The following BTRC variants were observed in gnomAD, a reference collection of about 807,000 sequenced individuals.
BTRC encodes the protein F-box/WD repeat-containing protein 1A.
A neutral mutation model predicts 85.5 loss-of-function variants in BTRC; 42 were observed. That is an observed-to-expected ratio of 0.49 (90% CI 0.38 to 0.64). The LOEUF is 0.64. Among genes scored for constraint, BTRC ranks in the 30% least tolerant of loss-of-function variants. BTRC has a pLI of 0.00. For missense variants in BTRC, 594 were observed against 743.5 expected, an observed-to-expected ratio of 0.80 and a Z score of 2.34; for synonymous variants, 255 against 263.3, an observed-to-expected ratio of 0.97 and a Z score of 0.30.
chr10:101,496,662 T>C (rs1946270014), intron 4 of BTRC, among the ~76,000 whole-genome samples: 1 of 152,204 alleles, frequency 6.6e-6, no homozygotes, highest in Non-Finnish European at 1.5e-5. Flanking sequence ...TTCACATTGT[T>C]GTCACATTGT....
Position 101,550,897 on chromosome 10 carries a change from G to C in BTRC, c.*31+6G>C, listed in dbSNP as rs780632847. ...CTGACCTCATACTTGCCCAGGTATC[G>C]AAATCGATTATGTACATAACACTGT... is the stretch of plus-strand genomic sequence containing the variant. On this transcript the variant is annotated splice_donor_region_variant and intron_variant, in intron 14 of 14. Coordinates refer to ENST00000370187, the MANE Select transcript of BTRC (RefSeq NM_033637.4). 5.7e-6 allele frequency: 9 copies of C among 1,590,654 alleles called. No individual in the cohort carries two copies. Among genetic ancestry groups the C allele is most frequent in the Non-Finnish European group, 7.7e-6 (9 of 1,161,320 alleles).
At chr10:101,404,030 A>ATATATATATTTTT (rs1232082481) in intron 1 of BTRC, among the ~76,000 whole-genome samples, 1 of 25,424 alleles carries the variant, frequency 3.9e-5, no homozygotes, top group Non-Finnish European at 6.0e-5. Flanking sequence ...ATATATATAT[A>ATATATATATTTTT]TTTTTTTTTT....
intron 1 of BTRC, among the ~76,000 whole-genome samples, chr10:101,354,912 C>A (rs945226316): frequency 6.6e-6 from 1 of 152,030 alleles, no homozygotes; most frequent in African/African-American, 2.4e-5. Context: ...TAATGACAGT[C>A]CCTGGGAGGG....
At chr10:101,532,777 TGTGTGTGTGTGTGCGCGTGTGCGC>T (rs1006622596) in intron 8 of BTRC, among the ~76,000 whole-genome samples, 151 bp from the exon 9 acceptor site, 8 of 70,218 alleles carry the variant, frequency 1.1e-4, no homozygotes, top group Middle Eastern at 5.2e-3. Flanking sequence ...TGTGTGTGTG[TGTGTGTGTGTGTGCGCGTGTGCGC>T]GCGCGCGCGC....
At chr10:101,462,830 A>G (rs1268636622) in intron 3 of BTRC, among the ~76,000 whole-genome samples, 1 of 152,118 alleles carries the variant, frequency 6.6e-6, no homozygotes, top group African/African-American at 2.4e-5. Context: ...TTGCCAGAGA[A>G]TAAGTGTGCC....
chr10:101,544,882 C>A (rs1053025961), intron 13 of BTRC, among the ~76,000 whole-genome samples: 1 of 151,874 alleles, frequency 6.6e-6, no homozygotes, highest in Non-Finnish European at 1.5e-5. Flanking sequence ...CATGGCAACC[C>A]CTTCTCTTCA....
chr10:101,418,403 T>G (rs375045026), intron 1 of BTRC, among the ~76,000 whole-genome samples: 23 of 151,934 alleles, frequency 1.5e-4, no homozygotes, highest in South Asian at 6.2e-4. Flanking sequence ...TATATTTTTT[T>G]GGGGGGGTGA....
chr10:101,423,736 A>G (rs1157942535), intron 1 of BTRC, among the ~76,000 whole-genome samples: 1 of 152,176 alleles, frequency 6.6e-6, no homozygotes, highest in Non-Finnish European at 1.5e-5. Context: ...TACTTAAGGG[A>G]TCTAGTACAA....
intron 1 of BTRC, among the ~76,000 whole-genome samples, chr10:101,376,975 T>A (rs1285556680): frequency 6.6e-6 from 1 of 152,222 alleles, no homozygotes; most frequent in Non-Finnish European, 1.5e-5. Context: ...TTTCTTAATG[T>A]ACACAGTTTT....
chr10:101,462,163 A>G, intron 3 of BTRC, 105 bp downstream of exon 3: 1 of 888,316 alleles, frequency 1.1e-6, no homozygotes, highest in Non-Finnish European at 1.8e-6. Context: ...GCTTATATTA[A>G]GAGTACTCGG....
chr10:101,421,270 G>A (rs999469141), intron 1 of BTRC, among the ~76,000 whole-genome samples: 1 of 151,856 alleles, frequency 6.6e-6, no homozygotes, highest in Admixed American at 6.6e-5. Flanking sequence ...TATTTAGTTT[G>A]TGTAGTCATT....
At chr10:101,408,342 T>C (rs1589432111) in intron 1 of BTRC, among the ~76,000 whole-genome samples, 1 of 152,198 alleles carries the variant, frequency 6.6e-6, no homozygotes, top group East Asian at 1.9e-4. Context: ...GGTCTCACTC[T>C]GTCACCCAGG....
intron 1 of BTRC, among the ~76,000 whole-genome samples, chr10:101,420,319 C>T (rs1022492113): frequency 2.0e-5 from 3 of 151,954 alleles, no homozygotes; most frequent in Non-Finnish European, 2.9e-5. Flanking sequence ...ACATATCTCT[C>T]GCTCCATTTC....
intron 3 of BTRC, among the ~76,000 whole-genome samples, chr10:101,472,473 A>G (rs1219675518): frequency 6.6e-6 from 1 of 152,052 alleles, no homozygotes; most frequent in Non-Finnish European, 1.5e-5. Flanking sequence ...CCCCTTTCCT[A>G]ACATAGGAAA....
chr10:101,390,061 C>G (rs936774393), intron 1 of BTRC, among the ~76,000 whole-genome samples: 1 of 152,098 alleles, frequency 6.6e-6, no homozygotes, highest in East Asian at 1.9e-4. Context: ...GTAAATGCCC[C>G]TTTCCTTATT....
chr10:101,534,269 A>G (rs2062349286), intron 9 of BTRC, among the ~76,000 whole-genome samples: 1 of 152,188 alleles, frequency 6.6e-6, no homozygotes, highest in Non-Finnish European at 1.5e-5. Flanking sequence ...ATTACTAAGT[A>G]TGTGACAGAA....
chr10:101,371,061 A>G (rs532217140), intron 1 of BTRC, among the ~76,000 whole-genome samples: 22 of 152,174 alleles, frequency 1.4e-4, no homozygotes, highest in Non-Finnish European at 4.4e-5. Context: ...ACTGTTTTGC[A>G]TATATAATCT....
chr10:101,403,606 C>A (rs1026332727), intron 1 of BTRC, among the ~76,000 whole-genome samples: 1 of 152,018 alleles, frequency 6.6e-6, no homozygotes, highest in East Asian at 1.9e-4. Context: ...TACTTCCCCA[C>A]TTTGAGACAG....
At position 101,536,655 on chromosome 10, in the gene BTRC, T is replaced by G. The variant is rs780115513; in HGVS notation, c.1577+2T>G. ...GATAGTCAGTGGGGCCTATGATGGG[T>G]GAGTGTGCTAACAGAGTGTAAAAAA... On this transcript the variant is annotated splice_donor_variant, in intron 12 of 14. Transcript: ENST00000370187. LOFTEE classifies it high-confidence loss of function. 6.2e-7 allele frequency: 1 copy of G among 1,600,950 alleles called. No individual in the cohort carries two copies. Among genetic ancestry groups the G allele is most frequent in the Non-Finnish European group, 8.6e-7 (1 of 1,168,128 alleles).
Sources: gnomAD v4.1 joint callset for allele counts (sites outside exome capture counted in the v4.1 genomes callset) on GRCh38, gnomAD v4.1.1 for gene constraint, MANE v1.5 for transcripts, NCBI Gene and HGNC (gene_info 2026-07-23, HGNC 2026-07-21) for gene names.